The following WASF3 variants were observed in gnomAD, a reference collection of about 807,000 sequenced individuals.
WASF3 encodes WASP family member 3.
WASF3 carries 11 observed loss-of-function variants against 46.6 expected under a neutral mutation model. That is an observed-to-expected ratio of 0.24 (90% confidence interval 0.15 to 0.39). The LOEUF (loss-of-function observed/expected upper bound fraction) is 0.39. Ranked by LOEUF, WASF3 falls within the 10% of genes least tolerant of loss-of-function variation. The pLI is 1.00. For synonymous variants in WASF3, 242 were observed against 259.7 expected (o/e 0.93, Z 0.65); for missense variants, 576 against 669.8 (o/e 0.86, Z 1.55).
rs192312082 is a variant in WASF3, at chr13:26,628,739, T to C, written c.-10-13522T>C. On this transcript the variant is annotated intron_variant, in intron 2 of 9. Transcript: ENST00000335327. ...GGATCTTTGCCTTGTTCCTGCTAAG[T>C]GTGTGCCCCATTTCAGACCCCCAGC... 9.2e-5 allele frequency among the ~76,000 whole-genome samples: 14 copies of C among 152,328 alleles called. No individual in the cohort carries two copies. The East Asian group carries it at 1.5e-3, about 17-fold the overall frequency.
At chr13:26,546,381 A>G in the WASF3 span, among the ~76,000 whole-genome samples, 1 of 152,212 alleles carries the variant, frequency 6.6e-6, no homozygotes, top group East Asian at 1.9e-4. Flanking sequence ...TTTTGCAATA[A>G]TGAGAAAAAA....
At chr13:26,634,625 C>T (rs921632458) in intron 2 of WASF3, among the ~76,000 whole-genome samples, 6 of 152,076 alleles carry the variant, frequency 3.9e-5, no homozygotes, top group Admixed American at 6.5e-5. Context: ...TGGCTGGTAC[C>T]GGTTGTTCCT....
At chr13:26,627,054 A>G (rs1881486734) in intron 2 of WASF3, among the ~76,000 whole-genome samples, 1 of 152,178 alleles carries the variant, frequency 6.6e-6, no homozygotes, top group Non-Finnish European at 1.5e-5. Flanking sequence ...TGATTTTGAA[A>G]TTCTTTAATC....
chr13:26,628,420 T>C (rs1255149246), intron 2 of WASF3, among the ~76,000 whole-genome samples: 3 of 152,188 alleles, frequency 2.0e-5, no homozygotes, highest in Non-Finnish European at 4.4e-5. Flanking sequence ...GTGCTGCACA[T>C]GTGTGAGGGC....
At chr13:26,677,470 T>G (rs1030444672) in intron 7 of WASF3, among the ~76,000 whole-genome samples, 1 of 152,250 alleles carries the variant, frequency 6.6e-6, no homozygotes, top group Non-Finnish European at 1.5e-5. Context: ...TAGAGAATTC[T>G]TACAATATGT....
In WASF3 at chr13:26,557,860, C is replaced by T. The variant is rs566752906; in HGVS notation, c.-109+41C>T. 1.3e-5 allele frequency: 4 copies of T among 299,990 alleles called. No homozygotes were observed. In the South Asian group the frequency reaches 5.7e-4, roughly 43 times the overall value. The allele number at this position is 299,990 out of a possible 1,614,324, so 18.6% of individuals were successfully genotyped here. On this transcript the variant is annotated intron_variant, in intron 1 of 9. Coordinates refer to ENST00000335327, the MANE Select transcript of WASF3 (RefSeq NM_006646.6). The stretch of plus-strand genomic sequence containing the variant: ...GGTCGCCCCGGCTCTCCGCTGTAGG[C>T]TGCTGTGGCCCTCTCGGCTCCGGGC...
At position 26,685,869 on chromosome 13, in the gene WASF3, G is replaced by C. The variant is rs199731940; in HGVS notation, c.*24G>C. The C allele has an allele frequency of 5.6e-6, 9 of 1,603,592 alleles. No homozygotes were observed. The highest frequency in any genetic ancestry group is 7.7e-6 in the Non-Finnish European group (9 of 1,171,234). The stretch of plus-strand genomic sequence containing the variant: ...GAGCAAAGGCCGGCGGAGAGGCCGC[G>C]TGTGGGAGCGTGTTGAAGATTTTAA... On this transcript the variant is annotated 3_prime_UTR_variant, in exon 10 of 10. Coordinates refer to ENST00000335327, the MANE Select transcript of WASF3 (RefSeq NM_006646.6).
intron 3 of WASF3, among the ~76,000 whole-genome samples, chr13:26,652,645 C>T (rs1029622460): frequency 6.6e-6 from 1 of 152,044 alleles, no homozygotes; most frequent in African/African-American, 2.4e-5. Context: ...GATTAATATA[C>T]AGAGAGTGAT....
chr13:26,575,748 G>C (rs1879778465), intron 1 of WASF3, among the ~76,000 whole-genome samples: 1 of 152,128 alleles, frequency 6.6e-6, no homozygotes, highest in African/African-American at 2.4e-5. Flanking sequence ...ATTTGAGACA[G>C]GTTCTAGAAT....
intron 1 of WASF3, chr13:26,577,302 G>C (rs1247523442): frequency 1.3e-6 from 1 of 747,522 alleles, no homozygotes; most frequent in Non-Finnish European, 2.5e-6. Flanking sequence ...GTTCTGTGTT[G>C]GTTTTCCTAA....
intron 1 of WASF3, among the ~76,000 whole-genome samples, chr13:26,575,774 T>C (rs1328627544): frequency 1.3e-5 from 2 of 152,232 alleles, no homozygotes; most frequent in African/African-American, 4.8e-5. Context: ...TCTACTAGTC[T>C]TGCTTTTTAT....
At chr13:26,658,733 T>C (rs1297843190) in intron 3 of WASF3, among the ~76,000 whole-genome samples, 4 of 152,172 alleles carry the variant, frequency 2.6e-5, no homozygotes, top group Admixed American at 2.6e-4. Context: ...ACTCCAACTC[T>C]CCTAGAGCTT....
At chr13:26,591,504 A>C (rs1171343356) in intron 1 of WASF3, among the ~76,000 whole-genome samples, 1 of 152,098 alleles carries the variant, frequency 6.6e-6, no homozygotes, top group Non-Finnish European at 1.5e-5. Flanking sequence ...AGGGAAATTA[A>C]GGATGCCCAG....
At chr13:26,594,492 T>A (rs959786843) in intron 1 of WASF3, among the ~76,000 whole-genome samples, 2 of 152,192 alleles carry the variant, frequency 1.3e-5, no homozygotes. Context: ...GTATATGCCC[T>A]TTGACTCTTG....
chr13:26,682,747 C>T lies in WASF3; in HGVS notation c.1124C>T (p.Ala375Val). 3 of 1,613,656 alleles carry T rather than the reference C, an allele frequency of 1.9e-6. No individual in the cohort carries two copies. Among genetic ancestry groups the T allele is most frequent in the Non-Finnish European group, 2.5e-6 (3 of 1,180,028 alleles). Reference protein sequence around the residue: ...MPMQPPFPASASSTHAAPPHP... With the variant: ...MPMQPPFPASVSSTHAAPPHP... ...ATGCAGCCCCCGTTCCCTGCATCAGCCAGCTCCACGCACGCAGCTCCTCCT... is the reference window on the plus strand; with the variant it reads ...ATGCAGCCCCCGTTCCCTGCATCAGTCAGCTCCACGCACGCAGCTCCTCCT... The change falls in exon 9 of 10, where the codon GCC (alanine) becomes GTC (valine). Residue 375 changes from alanine (A) to valine (V), a missense_variant. Physicochemically the swap from Ala to Val is moderately conservative, Grantham distance 64 (BLOSUM62 0). Coordinates refer to ENST00000335327, the MANE Select transcript of WASF3 (RefSeq NM_006646.6). The surrounding 1 kb of genome is among the most constrained non-coding windows in gnomAD (Gnocchi z 4.4).
chr13:26,554,016 C>CCCGT (rs1879025991), upstream of WASF3, among the ~76,000 whole-genome samples: 1 of 79,184 alleles, frequency 1.3e-5, no homozygotes, highest in Non-Finnish European at 2.5e-5. Context: ...TCCTTTCCTT[C>CCCGT]CCTTCCTTCC....
intron 6 of WASF3, among the ~76,000 whole-genome samples, chr13:26,675,672 G>GTGTGTGTGTGTGTGTGTGTGTT (rs1291908238): frequency 6.6e-6 from 1 of 151,926 alleles, no homozygotes; most frequent in Non-Finnish European, 1.5e-5. Context: ...GTGTGTGTGT[G>GTGTGTGTGTGTGTGTGTGTGTT]TTTGCCATTT....
At chr13:26,632,383 G>C (rs1011188136) in intron 2 of WASF3, among the ~76,000 whole-genome samples, 20 of 152,122 alleles carry the variant, frequency 1.3e-4, no homozygotes, top group Non-Finnish European at 2.8e-4. Flanking sequence ...TAGCACAAAG[G>C]ACTGTTGAAT....
chr13:26,680,336 C>A, intron 7 of WASF3: 1 of 1,076,030 alleles, frequency 9.3e-7, no homozygotes, highest in Non-Finnish European at 1.3e-6. Flanking sequence ...TTACTAACGC[C>A]CACGGCACTG....
Sources: gnomAD v4.1 joint callset for allele counts (sites outside exome capture counted in the v4.1 genomes callset) on GRCh38, gnomAD v4.1.1 for gene constraint, Gnocchi (gnomAD v3.1) non-coding constraint, MANE v1.5 for transcripts, NCBI Gene and HGNC (gene_info 2026-07-23, HGNC 2026-07-21) for gene names.